Variants in KANK1 observed in about 807,000 individuals in gnomAD.
KANK1 encodes KN motif and ankyrin repeat domain-containing protein 1.
KANK1 carries 109 observed loss-of-function variants against 106.2 expected under a neutral mutation model. The ratio of observed to expected loss-of-function variants is 1.03; its 90% CI spans 0.88 to 1.20. KANK1 has a LOEUF of 1.20. Ranked by LOEUF, KANK1 falls within the 50% of genes most tolerant of loss-of-function variation. The pLI, the probability that KANK1 is intolerant of heterozygous loss-of-function variation, is 0.00. For synonymous variants in KANK1, 873 were observed against 652.2 expected (o/e 1.34, Z -5.16); for missense variants, 2,399 against 1,710.7 (o/e 1.40, Z -7.10).
At chr9:654,872 TG>T (rs1351070505) in intron 1 of KANK1, among the ~76,000 whole-genome samples, 31 of 151,746 alleles carry the variant, frequency 2.0e-4, no homozygotes, top group Admixed American at 1.5e-3. Flanking sequence ...GAAAAAGAAA[TG>T]TGGTTTTCTG....
chr9:647,990 G>A (rs1372118196), intron 1 of KANK1, among the ~76,000 whole-genome samples: 2 of 142,196 alleles, frequency 1.4e-5, no homozygotes, highest in Admixed American at 1.4e-4. Flanking sequence ...CATTTCTGGG[G>A]GTTGTTATCT....
intron 1 of KANK1, among the ~76,000 whole-genome samples, chr9:507,806 TC>T (rs1234940729): frequency 4.6e-5 from 7 of 152,088 alleles, no homozygotes; most frequent in African/African-American, 1.4e-4. Flanking sequence ...TGTGCCCACC[TC>T]GGCCTCTCAA....
Position 613,838 on chromosome 9 carries a change from T to A in KANK1, c.-83-63052T>A, listed in dbSNP as rs141426334. Among the ~76,000 whole-genome samples the A allele has an allele frequency of 1.2e-4, 19 of 152,278 alleles. No individual in the cohort carries two copies. The East Asian group carries it at 3.5e-3, about 28-fold the overall frequency. ...CACTAGATGGCAGTGTCACCAGCCT[T>A]TTGGGAAGTTAAATATGAGTGTGAC... On this transcript the variant is annotated intron_variant, in intron 1 of 11. Transcript: ENST00000382297.
chr9:671,638 G>C (rs1300688293), intron 1 of KANK1, among the ~76,000 whole-genome samples: 1 of 86,194 alleles, frequency 1.2e-5, no homozygotes, highest in South Asian at 3.3e-4. Context: ...GAGTGTACTG[G>C]TTAAGTACTG....
chr9:607,112 C>T (rs1051866402), intron 1 of KANK1, among the ~76,000 whole-genome samples: 2 of 151,794 alleles, frequency 1.3e-5, no homozygotes, highest in African/African-American at 2.4e-5. Context: ...TCTCTTTCAC[C>T]TTCCTCAATT....
chr9:544,769 C>T (rs1023245061), intron 1 of KANK1, among the ~76,000 whole-genome samples: 3 of 126,080 alleles, frequency 2.4e-5, no homozygotes, highest in Non-Finnish European at 4.8e-5. Flanking sequence ...GGAGGGGGAG[C>T]ATCCTGTGTT....
chr9:584,491 G>C (rs1822965674), intron 1 of KANK1, among the ~76,000 whole-genome samples: 2 of 152,200 alleles, frequency 1.3e-5, no homozygotes, highest in African/African-American at 4.8e-5. Flanking sequence ...GTTATCCAAA[G>C]ATAGTAATAT....
chr9:712,505 G>T lies in KANK1; in HGVS notation c.1739G>T (p.Arg580Leu), dbSNP rs758187930. The T allele has an allele frequency of 5.7e-5, 92 of 1,614,088 alleles. No homozygotes were observed. Among genetic ancestry groups the T allele is most frequent in the Non-Finnish European group, 7.5e-5 (89 of 1,180,054 alleles). Reference sequence around the variant, plus strand: ...AAGGAGAGGGTGGAAATGCATGACCGATGTGCTGGGAGGTCTGTGGAAATG... The same window carrying T: ...AAGGAGAGGGTGGAAATGCATGACCTATGTGCTGGGAGGTCTGTGGAAATG... ...IVKERVEMHD[R>L]CAGRSVEMCD... Residue 580 changes from arginine to leucine, a missense_variant, in exon 3 of 12, where the codon CGA (arginine) becomes CTA (leucine). Coordinates refer to ENST00000382297, the MANE Select transcript of KANK1 (RefSeq NM_015158.5).
At chr9:614,950 TCC>T (rs1003274539) in intron 1 of KANK1, among the ~76,000 whole-genome samples, 3 of 150,774 alleles carry the variant, frequency 2.0e-5, no homozygotes, top group Non-Finnish European at 4.4e-5. Flanking sequence ...ATGGTACCCA[TCC>T]CCCCCCTGCC....
At chr9:509,392 A>G (rs1356768019) in intron 1 of KANK1, among the ~76,000 whole-genome samples, 3 of 152,182 alleles carry the variant, frequency 2.0e-5, no homozygotes, top group African/African-American at 7.2e-5. Context: ...CACTGGCCCA[A>G]TATGACCTAT....
At chr9:485,478 T>C (rs1311254077) in intron 3 of KANK1, among the ~76,000 whole-genome samples, 1 of 152,190 alleles carries the variant, frequency 6.6e-6, no homozygotes, top group African/African-American at 2.4e-5. Context: ...AGCAGAGTTA[T>C]TGAGGAAAAT....
At position 518,764 on chromosome 9, in the gene KANK1, A is replaced by G. The variant is rs2059413308; in HGVS notation, c.-84+14010A>G. On this transcript the variant is annotated intron_variant, in intron 1 of 11. Transcript: ENST00000382297. The stretch of plus-strand genomic sequence containing the variant: ...AAAGGGCGGTGACCCTGTATGACAT[A>G]CAGTGAACAAGAGAGGTGGAACTCT... Among the ~76,000 whole-genome samples, 3 of 151,638 alleles carry G rather than the reference A, an allele frequency of 2.0e-5. No homozygotes were observed. In the South Asian group the frequency reaches 6.2e-4, roughly 31 times the overall value.
At chr9:675,503 T>G (rs917788806) in intron 1 of KANK1, among the ~76,000 whole-genome samples, 7 of 152,218 alleles carry the variant, frequency 4.6e-5, no homozygotes, top group Non-Finnish European at 1.0e-4. Context: ...AGTATACTTT[T>G]TTGTATTTTT....
chr9:662,545 T>TTGACAAACG (rs112952224), intron 1 of KANK1, among the ~76,000 whole-genome samples: 5 of 151,688 alleles, frequency 3.3e-5, no homozygotes, highest in Non-Finnish European at 7.4e-5. Context: ...CATCTGATCT[T>TTGACAAACG]TGACAAACAC....
At chr9:520,200 T>C (rs1337047373) in intron 1 of KANK1, among the ~76,000 whole-genome samples, 1 of 151,650 alleles carries the variant, frequency 6.6e-6, no homozygotes, top group Non-Finnish European at 1.5e-5. Context: ...TAGCCGTGTG[T>C]GGTAGCACGC....
intron 1 of KANK1, among the ~76,000 whole-genome samples, chr9:534,004 T>G (rs2060183561): frequency 6.6e-6 from 1 of 152,192 alleles, no homozygotes; most frequent in Admixed American, 6.5e-5. Context: ...TCACCCAGAC[T>G]TTTTGTCATT....
At chr9:682,268 A>C in intron 2 of KANK1, among the ~76,000 whole-genome samples, 1 of 151,794 alleles carries the variant, frequency 6.6e-6, no homozygotes, top group African/African-American at 2.4e-5. Flanking sequence ...TGACAAAGTG[A>C]GACTCCGTCT....
intron 1 of KANK1, among the ~76,000 whole-genome samples, chr9:654,742 A>G (rs1477632053): frequency 6.6e-6 from 1 of 152,078 alleles, no homozygotes; most frequent in Non-Finnish European, 1.5e-5. Flanking sequence ...CTGCTTTCTG[A>G]GAATTTCCTC....
At chr9:567,088 A>G (rs1270042608) in intron 1 of KANK1, among the ~76,000 whole-genome samples, 1 of 152,144 alleles carries the variant, frequency 6.6e-6, no homozygotes, top group Non-Finnish European at 1.5e-5. Flanking sequence ...AGCACCATTT[A>G]TTCAACAGGG....
Sources: allele counts gnomAD v4.1 joint callset (sites outside exome capture counted in the v4.1 genomes callset), GRCh38; gene constraint gnomAD v4.1.1; transcripts MANE v1.5; gene names NCBI Gene and HGNC (gene_info 2026-07-23, HGNC 2026-07-21).